PRKCH: variants seen among roughly 807,000 people sequenced by gnomAD.
PRKCH encodes the protein protein kinase C eta.
Under a neutral mutation model 82.5 loss-of-function variants are expected in PRKCH, and 28 were observed. The ratio of observed to expected loss-of-function variants is 0.34; its 90% CI spans 0.25 to 0.47. The LOEUF (loss-of-function observed/expected upper bound fraction) is 0.47, where lower values mean the gene tolerates loss of function less well. PRKCH is among the 20% of genes least tolerant of loss of function. The pLI is 1.00. For synonymous variants in PRKCH, 322 were observed against 327.4 expected, an observed-to-expected ratio of 0.98 and a Z score of 0.18; for missense variants, 705 against 881.8, an observed-to-expected ratio of 0.80 and a Z score of 2.54.
chr14:61,207,844 G>C (rs939878399), intron 1 of PRKCH, among the ~76,000 whole-genome samples: 1 of 152,192 alleles, frequency 6.6e-6, no homozygotes, highest in East Asian at 1.9e-4. Context: ...AGTGGTGACA[G>C]ACTAAAGACA....
At chr14:61,231,480 A>C (rs1159031913) in intron 1 of PRKCH, among the ~76,000 whole-genome samples, 1 of 150,150 alleles carries the variant, frequency 6.7e-6, no homozygotes, top group East Asian at 2.0e-4. Context: ...CTCCTGCCTC[A>C]GACTTCTGAG....
rs796229559 is a variant in PRKCH at position 61,251,834 on chromosome 14, CT to C, written c.-19+64180del. ...ATTCCCAACAAAACTGTATAAGGGT[CT>C]TTTTTTTTTTTTTATTTGTTTTGAG... On this transcript the variant is annotated intron_variant, in intron 1 of 3. Coordinates refer to the PRKCH transcript ENST00000555185. Among the ~76,000 whole-genome samples, 893 of 148,244 alleles carry C rather than the reference CT, an allele frequency of 6.0e-3. 6 individuals carry two copies. The highest frequency in any genetic ancestry group is 0.013 in the African/African-American group (501 of 39,922).
At chr14:61,198,001 T>A (rs1372428411) in intron 1 of PRKCH, among the ~76,000 whole-genome samples, 1 of 152,158 alleles carries the variant, frequency 6.6e-6, no homozygotes, top group African/African-American at 2.4e-5. Context: ...TGGAATCCCG[T>A]GAGGTTTAAA....
chr14:61,257,834 G>A (rs189158980), intron 1 of PRKCH, among the ~76,000 whole-genome samples: 4 of 152,228 alleles, frequency 2.6e-5, no homozygotes, highest in Admixed American at 1.3e-4. Context: ...CAGCTAGAAC[G>A]AGCACTCTTC....
chr14:61,482,633 T>C (rs1886030378), intron 9 of PRKCH, among the ~76,000 whole-genome samples: 1 of 152,296 alleles, frequency 6.6e-6, no homozygotes, highest in East Asian at 1.9e-4. Flanking sequence ...AATTACACTC[T>C]GTGTTCCAGG....
intron 1 of PRKCH, among the ~76,000 whole-genome samples, chr14:61,236,018 T>G (rs992104772): frequency 1.3e-5 from 2 of 152,324 alleles, no homozygotes; most frequent in Admixed American, 6.5e-5. Context: ...CTCCTTTTTT[T>G]GGAATTCAGG....
At chr14:61,189,576 T>C (rs1316905153) in intron 1 of PRKCH, among the ~76,000 whole-genome samples, 1 of 151,874 alleles carries the variant, frequency 6.6e-6, no homozygotes. Context: ...GAGGCACATT[T>C]TCCTCTCCCC....
intron 1 of PRKCH, among the ~76,000 whole-genome samples, chr14:61,336,109 T>C (rs1278435816): frequency 6.6e-6 from 1 of 152,198 alleles, no homozygotes; most frequent in African/African-American, 2.4e-5. Flanking sequence ...GAAAAATGAT[T>C]GTTGATGTCA....
chr14:61,530,180 C>G (rs768584882), intron 11 of PRKCH, among the ~76,000 whole-genome samples: 8 of 152,068 alleles, frequency 5.3e-5, no homozygotes, highest in Admixed American at 1.3e-4. Flanking sequence ...TCACAGTGGC[C>G]CAATCAGGCC....
intron 1 of PRKCH, among the ~76,000 whole-genome samples, chr14:61,264,638 G>A (rs756459871): frequency 2.8e-4 from 42 of 152,162 alleles, no homozygotes; most frequent in Non-Finnish European, 1.2e-4. Flanking sequence ...GGAGTTGAAA[G>A]CACATAGAGA....
intron 9 of PRKCH, among the ~76,000 whole-genome samples, chr14:61,468,378 A>G (rs1360797957): frequency 1.3e-5 from 2 of 152,142 alleles, no homozygotes; most frequent in African/African-American, 4.8e-5. Context: ...TTCCATAGTA[A>G]GACAGGATCT....
At chr14:61,223,337 C>A (rs1236831264) in intron 1 of PRKCH, among the ~76,000 whole-genome samples, 1 of 152,172 alleles carries the variant, frequency 6.6e-6, no homozygotes, top group South Asian at 2.1e-4. Flanking sequence ...GGGGTGGGAC[C>A]TAAAGGTTTG....
At chr14:61,229,637 A>T (rs1448114534) in intron 1 of PRKCH, among the ~76,000 whole-genome samples, 4 of 152,122 alleles carry the variant, frequency 2.6e-5, no homozygotes, top group Non-Finnish European at 5.9e-5. Context: ...GGGACTGTTG[A>T]TTGCATTGGA....
At chr14:61,206,068 G>A (rs2044521146) in intron 1 of PRKCH, among the ~76,000 whole-genome samples, 1 of 152,218 alleles carries the variant, frequency 6.6e-6, no homozygotes, top group African/African-American at 2.4e-5. Context: ...TAATTGGAGG[G>A]AGAAGGGAGG....
intron 1 of PRKCH, among the ~76,000 whole-genome samples, chr14:61,214,524 T>C (rs866394370): frequency 6.6e-6 from 1 of 152,162 alleles, no homozygotes; most frequent in Non-Finnish European, 1.5e-5. Context: ...TAAAATACCA[T>C]AGACTAGGTG....
chr14:61,439,378 G>A (rs556139544), intron 2 of PRKCH, among the ~76,000 whole-genome samples: 1 of 152,128 alleles, frequency 6.6e-6, no homozygotes, highest in East Asian at 1.9e-4. Flanking sequence ...AAGCCATGGG[G>A]GCCCATTTTC....
chr14:61,515,365 C>A (rs907149416), intron 10 of PRKCH, among the ~76,000 whole-genome samples: 6 of 152,180 alleles, frequency 3.9e-5, no homozygotes, highest in African/African-American at 1.4e-4. Flanking sequence ...CCCTTATCCT[C>A]GTTCAACTTA....
chr14:61,354,404 TTG>T (rs3028729), intron 1 of PRKCH, among the ~76,000 whole-genome samples: 12,308 of 148,314 alleles, frequency 0.083, 589 homozygotes, highest in African/African-American at 0.13. Context: ...CTGTTTCTAT[TTG>T]TGTGTGTGTG....
chr14:61,255,302 C>G (rs2044987667), intron 1 of PRKCH, among the ~76,000 whole-genome samples: 1 of 152,160 alleles, frequency 6.6e-6, no homozygotes, highest in Non-Finnish European at 1.5e-5. Flanking sequence ...CCAGCTGGTC[C>G]TGGCCTTTAC....
Sources: gnomAD v4.1 joint callset for allele counts (sites outside exome capture counted in the v4.1 genomes callset) on GRCh38, gnomAD v4.1.1 for gene constraint, MANE v1.5 for transcripts, NCBI Gene and HGNC (gene_info 2026-07-23, HGNC 2026-07-21) for gene names.